Variants in MGAT5 observed in about 807,000 individuals in gnomAD.
MGAT5 encodes alpha-1,6-mannosylglycoprotein 6-beta-N-acetylglucosaminyltransferase, also known as alpha-1,6-mannosylglycoprotein 6-beta-N-acetylglucosaminyltransferase A.
A neutral mutation model predicts 94.3 loss-of-function variants in MGAT5; 30 were observed. The ratio of observed to expected loss-of-function variants is 0.32; its 90% CI spans 0.24 to 0.43. MGAT5 has a LOEUF of 0.43. Among genes scored for constraint, MGAT5 ranks in the 20% least tolerant of loss-of-function variants. MGAT5 has a pLI of 1.00. For synonymous variants in MGAT5, 310 were observed against 322.9 expected, an observed-to-expected ratio of 0.96 and a Z score of 0.43; for missense variants, 691 against 905.5, an observed-to-expected ratio of 0.76 and a Z score of 3.04.
chr2:134,400,716 C>T (rs1476926533), intron 10 of MGAT5, among the ~76,000 whole-genome samples: 1 of 152,166 alleles, frequency 6.6e-6, no homozygotes, highest in Non-Finnish European at 1.5e-5. Flanking sequence ...AGCCTAGGGG[C>T]CTTTGGCCCA....
intron 10 of MGAT5, among the ~76,000 whole-genome samples, chr2:134,402,146 A>C (rs1405162422): frequency 6.6e-6 from 1 of 152,374 alleles, no homozygotes; most frequent in East Asian, 1.9e-4. Flanking sequence ...CAAAAAAAGG[A>C]AAAGAAAAAC....
intron 1 of MGAT5, among the ~76,000 whole-genome samples, chr2:134,259,744 G>A (rs1003505157): frequency 6.6e-6 from 1 of 152,130 alleles, no homozygotes; most frequent in African/African-American, 2.4e-5. Context: ...TTCAAGCCTG[G>A]TCCTTCAGGA....
At chr2:134,219,397 G>A (rs1380316415) in intron 1 of MGAT5, among the ~76,000 whole-genome samples, 3 of 152,042 alleles carry the variant, frequency 2.0e-5, no homozygotes, top group Admixed American at 2.0e-4. Context: ...GGGCTCAGAT[G>A]TTTTTGATGG....
At chr2:134,120,234 C>G (rs1323904700) in exon 1 of MGAT5, 1 of 368,182 alleles carries the variant, frequency 2.7e-6, no homozygotes, top group Non-Finnish European at 4.8e-6. Context: ...GCGCCTCGGG[C>G]CGCGTGGGCA....
At chr2:134,189,602 G>GTTGTTTTT (rs1689232395) in intron 1 of MGAT5, among the ~76,000 whole-genome samples, 1 of 84,668 alleles carries the variant, frequency 1.2e-5, no homozygotes, top group African/African-American at 4.8e-5. Context: ...GTTTTTTTTT[G>GTTGTTTTT]TTTTTTTTTT....
At chr2:134,217,181 G>A (rs1680537811) in intron 1 of MGAT5, among the ~76,000 whole-genome samples, 1 of 151,686 alleles carries the variant, frequency 6.6e-6, no homozygotes, top group Admixed American at 6.6e-5. Flanking sequence ...CGCTATTGCT[G>A]GTATTGCAAA....
In MGAT5 at chr2:134,448,700, C is replaced by T. The variant is rs1329547689; in HGVS notation, c.2079C>T (p.Pro693=). 13 of 1,614,226 alleles carry T rather than the reference C, an allele frequency of 8.1e-6. No individual in the cohort carries two copies. The highest frequency in any genetic ancestry group is 1.0e-5 in the Non-Finnish European group (12 of 1,180,042). The change falls in exon 16 of 16, where the codon CCC becomes CCT. Residue 693 remains proline (P), a synonymous_variant. Transcript: ENST00000281923. ...AGCTGGCCAAGGACATCCTGGTGCCCTCCTTTGACCCTAAGAATAAGCACT... is the reference window on the plus strand; with the variant it reads ...AGCTGGCCAAGGACATCCTGGTGCCTTCCTTTGACCCTAAGAATAAGCACT... ...SSELAKDILV[P]SFDPKNKHCV...
intron 8 of MGAT5, 152 bp from the exon 9 acceptor site, chr2:134,349,653 C>A: frequency 1.3e-6 from 1 of 775,822 alleles, no homozygotes; most frequent in Non-Finnish European, 2.0e-6. Context: ...GGTACACAAG[C>A]TATTGTAAAA....
chr2:134,143,760 A>G lies in MGAT5; in HGVS notation c.-143+23469A>G, dbSNP rs193297424. On this transcript the variant is annotated intron_variant, in intron 1 of 16. Transcript: ENST00000409645. The stretch of plus-strand genomic sequence containing the variant: ...GAGGAGGGTGTGCAGTAACCTGGTA[A>G]CAATGTTTATGTGGTTACTGTGTAT... Among the ~76,000 whole-genome samples the G allele has an allele frequency of 1.5e-4, 23 of 152,326 alleles. No homozygotes were observed. In the East Asian group the frequency reaches 4.4e-3, roughly 29 times the overall value.
chr2:134,446,695 G>T (rs1158947360), intron 15 of MGAT5, among the ~76,000 whole-genome samples: 1 of 152,204 alleles, frequency 6.6e-6, no homozygotes, highest in Non-Finnish European at 1.5e-5. Context: ...TCAAGAGCAG[G>T]GGTGGTGGGG....
At chr2:134,279,178 C>T (rs557327220) in intron 2 of MGAT5, among the ~76,000 whole-genome samples, 4 of 152,296 alleles carry the variant, frequency 2.6e-5, no homozygotes, top group South Asian at 2.1e-4. Flanking sequence ...TTTGCCATGA[C>T]GCTGATGGCC....
intron 10 of MGAT5, among the ~76,000 whole-genome samples, chr2:134,398,343 C>T (rs76780087): frequency 6.6e-6 from 1 of 152,220 alleles, no homozygotes; most frequent in African/African-American, 2.4e-5. Context: ...GTTTTGTCAC[C>T]CTGGAGAGGG....
chr2:134,345,101 T>G (rs1473937088), intron 8 of MGAT5, 37 bp downstream of exon 8: 4 of 1,589,700 alleles, frequency 2.5e-6, no homozygotes, highest in Non-Finnish European at 3.4e-6. Context: ...AAGGTTTTTT[T>G]TCCCCTCCTT....
At chr2:134,342,163 A>G (rs191996113) in intron 7 of MGAT5, among the ~76,000 whole-genome samples, 4 of 152,294 alleles carry the variant, frequency 2.6e-5, no homozygotes, top group East Asian at 1.9e-4. Context: ...TTGTAATTCA[A>G]TTTGGATAGA....
chr2:134,156,665 A>G (rs984523358), intron 1 of MGAT5, among the ~76,000 whole-genome samples: 2 of 151,952 alleles, frequency 1.3e-5, no homozygotes, highest in Non-Finnish European at 2.9e-5. Flanking sequence ...TGCCCCTTTT[A>G]CCTGACGAGA....
chr2:134,273,551 C>T (rs1462586979), intron 2 of MGAT5, among the ~76,000 whole-genome samples: 2 of 152,032 alleles, frequency 1.3e-5, no homozygotes, highest in Non-Finnish European at 2.9e-5. Flanking sequence ...TGGCTATAAA[C>T]TGTCTCTAAA....
At chr2:134,203,040 CT>C (rs1679874046) in intron 1 of MGAT5, among the ~76,000 whole-genome samples, 1 of 152,166 alleles carries the variant, frequency 6.6e-6, no homozygotes, top group Non-Finnish European at 1.5e-5. Flanking sequence ...TATTTGGTGA[CT>C]CATATTACAG....
intron 1 of MGAT5, among the ~76,000 whole-genome samples, chr2:134,202,679 A>T (rs1679848010): frequency 6.6e-6 from 1 of 152,222 alleles, no homozygotes; most frequent in African/African-American, 2.4e-5. Context: ...CTTGTGAGAT[A>T]AGCAGTGTCT....
At chr2:134,145,212 CTCTGTGTGTGTG>C (rs953776614) in intron 1 of MGAT5, among the ~76,000 whole-genome samples, 25 of 113,780 alleles carry the variant, frequency 2.2e-4, no homozygotes, top group Non-Finnish European at 4.2e-4. Context: ...GTGTCTCTCT[CTCTGTGTGTGTG>C]TGTGTGTGTG....
Sources: allele counts gnomAD v4.1 joint callset (sites outside exome capture counted in the v4.1 genomes callset), GRCh38; gene constraint gnomAD v4.1.1; transcripts MANE v1.5; gene names NCBI Gene and HGNC (gene_info 2026-07-23, HGNC 2026-07-21).